KCNH8: variants seen among roughly 807,000 people sequenced by gnomAD.
KCNH8 encodes voltage-gated delayed rectifier potassium channel KCNH8.
In KCNH8, 70 loss-of-function variants were observed where a neutral mutation model predicts 103.6. The ratio of observed to expected loss-of-function variants is 0.68; its 90% CI spans 0.56 to 0.82. The LOEUF is 0.82. KCNH8 is among the 40% of genes least tolerant of loss of function. The probability of loss-of-function intolerance (pLI) is 0.00; values close to 1 mark genes in which losing one functional copy is unlikely to be tolerated. For synonymous variants in KCNH8, 498 were observed against 489.4 expected (o/e 1.02, Z -0.23); for missense variants, 1,217 against 1,329.9 (o/e 0.92, Z 1.32).
chr3:19,148,757 C>G lies in KCNH8; in HGVS notation c.38C>G (p.Thr13Ser). The G allele has an allele frequency of 6.2e-7, 1 of 1,614,184 alleles. No individual in the cohort carries two copies. The highest frequency in any genetic ancestry group is 8.5e-7 in the Non-Finnish European group (1 of 1,180,024). Residue 13 changes from threonine to serine, a missense_variant, in exon 1 of 16, where the codon ACC becomes AGC. This residue lies in a region of KCNH8 where 244 missense variants were observed against 256.8 expected (regional missense o/e 0.95). Coordinates refer to ENST00000328405, the MANE Select transcript of KCNH8 (RefSeq NM_144633.3). ...AAAGGATTACTGGCGCCGCAAAACACCTTCCTGGACACCATCGCCACCCGT... is the reference window on the plus strand; with the variant it reads ...AAAGGATTACTGGCGCCGCAAAACAGCTTCCTGGACACCATCGCCACCCGT... ...VMKGLLAPQN[T>S]FLDTIATRFD...
chr3:19,460,988 A>T (rs1463111948), intron 11 of KCNH8, among the ~76,000 whole-genome samples: 2 of 152,134 alleles, frequency 1.3e-5, no homozygotes, highest in African/African-American at 4.8e-5. Context: ...CTGAACTGTG[A>T]CTTAATTAAA....
At chr3:19,347,661 G>A (rs1057221348) in intron 4 of KCNH8, 64 bp from the exon 5 acceptor site, 6 of 1,577,106 alleles carry the variant, frequency 3.8e-6, no homozygotes, top group Non-Finnish European at 5.2e-6. Flanking sequence ...TGTGTTTCAA[G>A]CTATGTAATC....
At chr3:19,450,631 AGTTTCTGTTTCC>A (rs1430146515) in intron 9 of KCNH8, 16 of 324,096 alleles carry the variant, frequency 4.9e-5, no homozygotes, top group Admixed American at 9.6e-5. Flanking sequence ...ATATTAATCA[AGTTTCTGTTTCC>A]CTTAACATCA....
intron 15 of KCNH8, among the ~76,000 whole-genome samples, chr3:19,527,937 C>T (rs2069093384): frequency 6.6e-6 from 1 of 151,998 alleles, no homozygotes; most frequent in Non-Finnish European, 1.5e-5. Flanking sequence ...GTGTTTTCAT[C>T]ACTTCTTTTT....
At chr3:19,408,805 G>A (rs940449525) in intron 7 of KCNH8, among the ~76,000 whole-genome samples, 2 of 151,962 alleles carry the variant, frequency 1.3e-5, no homozygotes, top group African/African-American at 2.4e-5. Context: ...AACCCAGTCT[G>A]ACAAAAATGA....
At chr3:19,493,221 C>T (rs2068365381) in intron 11 of KCNH8, among the ~76,000 whole-genome samples, 2 of 151,998 alleles carry the variant, frequency 1.3e-5, no homozygotes, top group Admixed American at 6.6e-5. Context: ...GTTTCTTTCT[C>T]TTGCTTAACT....
chr3:19,371,295 T>C (rs1418135605), intron 5 of KCNH8, among the ~76,000 whole-genome samples: 2 of 151,314 alleles, frequency 1.3e-5, no homozygotes, highest in African/African-American at 4.9e-5. Context: ...TTTTAATGAT[T>C]GCCATTCTAA....
At chr3:19,302,837 G>C (rs945885862) in intron 3 of KCNH8, among the ~76,000 whole-genome samples, 1 of 152,116 alleles carries the variant, frequency 6.6e-6, no homozygotes, top group Non-Finnish European at 1.5e-5. Flanking sequence ...TCACTACTGA[G>C]TTTAATTAAA....
intron 7 of KCNH8, among the ~76,000 whole-genome samples, chr3:19,400,746 T>C (rs927274589): frequency 3.9e-5 from 6 of 151,906 alleles, no homozygotes; most frequent in African/African-American, 1.4e-4. Context: ...TAAAACCTCA[T>C]AAATGCTGAT....
At chr3:19,286,754 A>G (rs968303538) in intron 3 of KCNH8, among the ~76,000 whole-genome samples, 3 of 152,218 alleles carry the variant, frequency 2.0e-5, no homozygotes, top group African/African-American at 7.2e-5. Context: ...TTAGGGAATA[A>G]TGACAAGAAA....
At chr3:19,481,660 A>C (rs894262749) in intron 11 of KCNH8, among the ~76,000 whole-genome samples, 57 of 152,208 alleles carry the variant, frequency 3.7e-4, no homozygotes, top group Admixed American at 3.7e-3. Context: ...AATCTATGAC[A>C]CAGAAAAGGT....
chr3:19,427,199 C>A (rs1051973047), intron 7 of KCNH8, among the ~76,000 whole-genome samples: 3 of 152,150 alleles, frequency 2.0e-5, no homozygotes, highest in Non-Finnish European at 4.4e-5. Flanking sequence ...TTTAAAAAAA[C>A]CACTGTCAAT....
intron 8 of KCNH8, among the ~76,000 whole-genome samples, chr3:19,443,677 T>A (rs1027197271): frequency 6.6e-6 from 1 of 151,800 alleles, no homozygotes; most frequent in Non-Finnish European, 1.5e-5. Context: ...TTCTAATAGC[T>A]TCAGATGAAT....
At chr3:19,477,518 GC>G (rs1193292704) in intron 11 of KCNH8, among the ~76,000 whole-genome samples, 5 of 151,750 alleles carry the variant, frequency 3.3e-5, no homozygotes, top group Non-Finnish European at 7.4e-5. Context: ...TGCCCAACAG[GC>G]TCCAAATGCT....
chr3:19,176,753 T>C (rs1422334518), intron 1 of KCNH8, among the ~76,000 whole-genome samples: 1 of 152,154 alleles, frequency 6.6e-6, no homozygotes, highest in African/African-American at 2.4e-5. Flanking sequence ...TGTGTGTATA[T>C]GATATACAGT....
chr3:19,344,216 T>C (rs2065699934), intron 4 of KCNH8, among the ~76,000 whole-genome samples: 1 of 152,022 alleles, frequency 6.6e-6, no homozygotes, highest in Non-Finnish European at 1.5e-5. Context: ...CTGGGCTTGA[T>C]TCCATGCAAA....
chr3:19,450,059 C>G (rs201115270), intron 8 of KCNH8, 47 bp from the exon 9 acceptor site: 24 of 1,501,526 alleles, frequency 1.6e-5, no homozygotes, highest in Non-Finnish European at 2.1e-5. Flanking sequence ...CGTGGTGGGC[C>G]TCATGTCACA....
intron 6 of KCNH8, among the ~76,000 whole-genome samples, chr3:19,394,127 T>G (rs1309289813): frequency 6.6e-6 from 1 of 152,056 alleles, no homozygotes; most frequent in Non-Finnish European, 1.5e-5. Context: ...GTTAAAGCCA[T>G]AAAGTTACTC....
chr3:19,242,794 G>A (rs11917497), intron 1 of KCNH8, among the ~76,000 whole-genome samples: 14,443 of 151,014 alleles, frequency 0.096, 2,218 homozygotes, highest in African/African-American at 0.32. Context: ...TTATGAAACT[G>A]CAAATGTAAT....
Sources: allele counts gnomAD v4.1 joint callset (sites outside exome capture counted in the v4.1 genomes callset), GRCh38; gene constraint gnomAD v4.1.1; regional missense constraint gnomAD v4.1.1; transcripts MANE v1.5; gene names NCBI Gene and HGNC (gene_info 2026-07-23, HGNC 2026-07-21).